MERTK: variants seen among roughly 807,000 people sequenced by gnomAD.
MERTK encodes the protein tyrosine-protein kinase Mer.
Under a neutral mutation model 99.3 loss-of-function variants are expected in MERTK, and 69 were observed. That is an observed-to-expected ratio of 0.70 (90% CI 0.57 to 0.85). MERTK has a LOEUF of 0.85. MERTK is among the 40% of genes least tolerant of loss of function. The probability of loss-of-function intolerance (pLI) is 0.00; values close to 1 mark genes in which losing one functional copy is unlikely to be tolerated. For synonymous variants in MERTK, 426 were observed against 467.6 expected (o/e 0.91, Z 1.15); for missense variants, 1,125 against 1,249.4 (o/e 0.90, Z 1.50).
intron 7 of MERTK, among the ~76,000 whole-genome samples, chr2:111,979,044 C>T (rs72938487): frequency 0.043 from 6,598 of 152,226 alleles, 487 homozygotes; most frequent in African/African-American, 0.15. Flanking sequence ...CCGTGTGAAG[C>T]CTGGATACCA....
intron 1 of MERTK, among the ~76,000 whole-genome samples, chr2:111,915,175 G>A (rs1262579891): frequency 6.6e-6 from 1 of 152,078 alleles, no homozygotes; most frequent in Non-Finnish European, 1.5e-5. Context: ...ATTCATGTGT[G>A]GTTATTTGTA....
In MERTK at chr2:111,961,148, T is replaced by G. The variant is rs186838986; in HGVS notation, c.758-4043T>G. The stretch of plus-strand genomic sequence containing the variant: ...AGTTTTTGTTTCTTAGCACTTTAAA[T>G]TTTCTTTCTTTTTTTTTTTTTTTTT... On this transcript the variant is annotated intron_variant, in intron 4 of 18. Coordinates refer to ENST00000295408, the MANE Select transcript of MERTK (RefSeq NM_006343.3). Among the ~76,000 whole-genome samples the G allele has an allele frequency of 8.4e-3, 1,255 of 149,682 alleles. 18 individuals carry two copies. Among genetic ancestry groups the G allele is most frequent in the African/African-American group, 0.029 (1,203 of 40,852 alleles).
intron 7 of MERTK, among the ~76,000 whole-genome samples, chr2:111,980,535 C>G (rs1254262764): frequency 6.6e-6 from 1 of 151,254 alleles, no homozygotes; most frequent in African/African-American, 2.4e-5. Context: ...TCTCCTGCCT[C>G]AGCCTCCTGA....
Position 111,932,714 on chromosome 2 carries a change from A to G in MERTK, c.482+3174A>G, listed in dbSNP as rs555574445. Among the ~76,000 whole-genome samples, 7 of 152,310 alleles carry G rather than the reference A, an allele frequency of 4.6e-5. No individual in the cohort carries two copies. In the East Asian group the frequency reaches 1.3e-3, roughly 29 times the overall value. On this transcript the variant is annotated intron_variant, in intron 2 of 18. Transcript: ENST00000295408. ...TAAGCCTGAGAGGGGCTCCTGGCCAATTTTGGTGAGGAGCATTATCTTTTA... is the reference window on the plus strand; with the variant it reads ...TAAGCCTGAGAGGGGCTCCTGGCCAGTTTTGGTGAGGAGCATTATCTTTTA...
intron 1 of MERTK, among the ~76,000 whole-genome samples, chr2:111,922,054 C>T (rs1466121235): frequency 6.6e-6 from 1 of 152,158 alleles, no homozygotes; most frequent in Non-Finnish European, 1.5e-5. Context: ...TCCCAGGTGC[C>T]TGGGATCATA....
intron 2 of MERTK, among the ~76,000 whole-genome samples, chr2:111,937,581 C>G (rs1036174015): frequency 2.0e-5 from 3 of 152,146 alleles, no homozygotes; most frequent in African/African-American, 4.8e-5. Context: ...CATGGGCTCT[C>G]TGTGCTGGGC....
chr2:111,925,876 A>G (rs1471288681), intron 1 of MERTK, among the ~76,000 whole-genome samples: 2 of 149,878 alleles, frequency 1.3e-5, no homozygotes, highest in Non-Finnish European at 1.5e-5. Context: ...TCTGTCCCCC[A>G]GGCTAGAGTA....
At chr2:111,964,841 G>T (rs1546636) in intron 4 of MERTK, among the ~76,000 whole-genome samples, 3,195 of 152,302 alleles carry the variant, frequency 0.021, 56 homozygotes, top group Middle Eastern at 0.068. Context: ...GTACTGGGGG[G>T]TTAGGCAGCA....
intron 13 of MERTK, among the ~76,000 whole-genome samples, chr2:112,004,509 A>G (rs137886898): frequency 6.6e-6 from 1 of 152,226 alleles, no homozygotes; most frequent in Non-Finnish European, 1.5e-5. Flanking sequence ...TGCTATCATA[A>G]GCTAGAACTT....
At chr2:111,951,624 C>T (rs1685059846) in intron 4 of MERTK, among the ~76,000 whole-genome samples, 1 of 147,278 alleles carries the variant, frequency 6.8e-6, no homozygotes, top group African/African-American at 2.5e-5. Flanking sequence ...ATGAATAATG[C>T]TGCAATGAAT....
intron 7 of MERTK, among the ~76,000 whole-genome samples, chr2:111,980,412 CTTTTTTTTTTTTTTT>C (rs34831521): frequency 9.9e-6 from 1 of 100,980 alleles, no homozygotes; most frequent in East Asian, 3.0e-4. Context: ...GCAACTATTT[CTTTTTTTTTTTTTTT>C]TTTTTTTTTG....
chr2:111,921,494 C>T (rs1268645173), intron 1 of MERTK, among the ~76,000 whole-genome samples: 14 of 102,830 alleles, frequency 1.4e-4, no homozygotes, highest in South Asian at 3.4e-4. Flanking sequence ...CAGACTAAGA[C>T]GCGATCTCAA....
At chr2:111,990,624 C>A (rs752725910) in intron 8 of MERTK, among the ~76,000 whole-genome samples, 8 of 152,164 alleles carry the variant, frequency 5.3e-5, no homozygotes, top group Non-Finnish European at 7.3e-5. Context: ...GGTTAAGTAT[C>A]CCTTATCCAA....
intron 4 of MERTK, among the ~76,000 whole-genome samples, chr2:111,960,413 G>A (rs574504186): frequency 3.3e-5 from 5 of 150,826 alleles, no homozygotes; most frequent in Admixed American, 6.6e-5. Flanking sequence ...CCTGGGAGGC[G>A]GAGGTTGCAG....
At chr2:111,968,611 G>A (rs181527228) in intron 6 of MERTK, among the ~76,000 whole-genome samples, 49 of 151,918 alleles carry the variant, frequency 3.2e-4, no homozygotes, top group African/African-American at 1.1e-3. Flanking sequence ...CCGGCTCACC[G>A]CAAACTCCAC....
chr2:111,940,199 C>T, intron 2 of MERTK: 1 of 195,852 alleles, frequency 5.1e-6, no homozygotes, highest in Non-Finnish European at 1.1e-5. Flanking sequence ...GGATTCCTCC[C>T]CCGAGAATGT....
intron 15 of MERTK, 25 bp from the exon 16 acceptor site, chr2:112,019,388 T>C (rs1677286418): frequency 1.3e-6 from 2 of 1,562,342 alleles, no homozygotes; most frequent in Non-Finnish European, 1.8e-6. Flanking sequence ...AGATAGTCTT[T>C]CTTCTTGTTT....
intron 6 of MERTK, among the ~76,000 whole-genome samples, chr2:111,972,747 T>C (rs950603691): frequency 6.6e-5 from 10 of 152,218 alleles, no homozygotes; most frequent in Non-Finnish European, 1.5e-4. Context: ...ATGAATAATG[T>C]CGTGACATAC....
intron 4 of MERTK, among the ~76,000 whole-genome samples, chr2:111,950,557 C>T (rs181388804): frequency 6.6e-6 from 1 of 152,314 alleles, no homozygotes; most frequent in East Asian, 1.9e-4. Flanking sequence ...TGTTTACCAA[C>T]ATTTGATTTG....
Sources: gnomAD v4.1 joint callset for allele counts (sites outside exome capture counted in the v4.1 genomes callset) on GRCh38, gnomAD v4.1.1 for gene constraint, MANE v1.5 for transcripts, NCBI Gene and HGNC (gene_info 2026-07-23, HGNC 2026-07-21) for gene names.